Variants in TRPM3 observed in about 807,000 individuals in gnomAD.
The protein encoded by TRPM3 is long transient receptor potential channel 3.
Under a neutral mutation model 181.2 loss-of-function variants are expected in TRPM3, and 77 were observed. That is an observed-to-expected ratio of 0.42 (90% confidence interval 0.35 to 0.51). TRPM3 has a LOEUF of 0.51. Among genes scored for constraint, TRPM3 ranks in the 20% least tolerant of loss-of-function variants. The pLI is 0.01. For missense variants in TRPM3, 1,759 were observed against 2,196.7 expected (o/e 0.80, Z 3.98); for synonymous variants, 745 against 796.4 (o/e 0.94, Z 1.09).
chr9:70,625,523 A>G lies in TRPM3; in HGVS notation c.1633-6T>C, dbSNP rs1289137309. The G allele has an allele frequency of 1.2e-6, 2 of 1,610,836 alleles. No individual in the cohort carries two copies. The highest frequency in any genetic ancestry group is 1.7e-6 in the Non-Finnish European group (2 of 1,179,020). On this transcript the variant is annotated splice_polypyrimidine_tract_variant and splice_region_variant and intron_variant, in intron 12 of 25. Coordinates refer to ENST00000677713, the MANE Select transcript of TRPM3 (RefSeq NM_001366145.2). The surrounding 1 kb of genome is among the most constrained non-coding windows in gnomAD (Gnocchi z 4.8). ...CCGAAACCTGGATACTCTCGCTTGG[A>G]AAGAAGACATAAGTTAAATAAGAAG...
At chr9:71,285,403 A>G (rs1179350367) in intron 1 of TRPM3, among the ~76,000 whole-genome samples, 1 of 152,174 alleles carries the variant, frequency 6.6e-6, no homozygotes, top group African/African-American at 2.4e-5. Flanking sequence ...GTGTACCCAA[A>G]CAAGCAAGGA....
chr9:70,945,544 A>G (rs2096924657), intron 1 of TRPM3, among the ~76,000 whole-genome samples: 1 of 152,172 alleles, frequency 6.6e-6, no homozygotes, highest in Non-Finnish European at 1.5e-5. Flanking sequence ...TGAAATCTTA[A>G]GAAATGTTAG....
chr9:70,955,032 A>G (rs2097051612), intron 1 of TRPM3, among the ~76,000 whole-genome samples: 1 of 152,156 alleles, frequency 6.6e-6, no homozygotes, highest in African/African-American at 2.4e-5. Flanking sequence ...ATAATCAGCT[A>G]TAGCTTCTGT....
intron 10 of TRPM3, among the ~76,000 whole-genome samples, chr9:70,640,170 T>G (rs1166401970): frequency 4.6e-5 from 7 of 152,216 alleles, no homozygotes; most frequent in Admixed American, 4.6e-4. Flanking sequence ...TTCTGCATCC[T>G]GAGGTGTGAC....
chr9:70,780,623 CAA>C (rs2082256932), intron 7 of TRPM3, among the ~76,000 whole-genome samples: 1 of 151,948 alleles, frequency 6.6e-6, no homozygotes, highest in African/African-American at 2.4e-5. Context: ...TGTGGCTAGA[CAA>C]TTTCTTATCA....
intron 1 of TRPM3, among the ~76,000 whole-genome samples, chr9:71,018,768 AG>A (rs1406239368): frequency 6.6e-6 from 1 of 151,878 alleles, no homozygotes; most frequent in Non-Finnish European, 1.5e-5. Context: ...GGACAGAAAA[AG>A]GGAGAATATT....
At chr9:71,126,901 G>A (rs1305995654) in intron 1 of TRPM3, among the ~76,000 whole-genome samples, 1 of 152,060 alleles carries the variant, frequency 6.6e-6, no homozygotes, top group Admixed American at 6.6e-5. Context: ...TAAGACTGAG[G>A]TGAAATGTCC....
chr9:71,028,067 A>G (rs1565010265), intron 1 of TRPM3, among the ~76,000 whole-genome samples: 1 of 152,224 alleles, frequency 6.6e-6, no homozygotes, highest in Non-Finnish European at 1.5e-5. Flanking sequence ...GCTAGAGAGA[A>G]AGAACAGGTC....
At chr9:71,209,475 A>T (rs1305912395) in intron 1 of TRPM3, among the ~76,000 whole-genome samples, 1 of 152,140 alleles carries the variant, frequency 6.6e-6, no homozygotes, top group Non-Finnish European at 1.5e-5. Flanking sequence ...TAAAAATTTC[A>T]AAGTCATCTC....
Position 70,610,711 on chromosome 9 carries a change from C to G in TRPM3, c.2565G>C (p.Lys855Asn), listed in dbSNP as rs370376246. Residue 855 changes from lysine to asparagine, a missense_variant, in exon 19 of 26, where the codon AAG becomes AAC. Transcript: ENST00000677713. ...TGCTCTGAACTTCCTCTTCATCCTT[C>G]TTCCTGGAGGACTCCCCGTTGTTTC... is the stretch of plus-strand genomic sequence containing the variant. ...LGRNNGESSR[K>N]KDEEEVQSKH... 6.2e-7 allele frequency: 1 copy of G among 1,614,062 alleles called. No homozygotes were observed. The highest frequency in any genetic ancestry group is 1.3e-5 in the African/African-American group (1 of 74,932).
intron 1 of TRPM3, among the ~76,000 whole-genome samples, chr9:71,342,694 C>A (rs2091039837): frequency 6.6e-6 from 1 of 152,062 alleles, no homozygotes. Context: ...CTATAAGATC[C>A]AGCAACTATG....
intron 1 of TRPM3, among the ~76,000 whole-genome samples, chr9:71,395,739 G>T (rs567939178): frequency 9.8e-5 from 15 of 152,290 alleles, no homozygotes; most frequent in Admixed American, 6.5e-4. Flanking sequence ...GCACTTACTA[G>T]GTTCACGGAA....
intron 1 of TRPM3, among the ~76,000 whole-genome samples, chr9:71,084,273 A>G (rs1565158598): frequency 6.6e-6 from 1 of 152,062 alleles, no homozygotes; most frequent in African/African-American, 2.4e-5. Flanking sequence ...TAAAATAAAA[A>G]CTGCTCTAAG....
intron 9 of TRPM3, among the ~76,000 whole-genome samples, chr9:70,674,946 G>A (rs117967754): frequency 6.6e-6 from 1 of 151,652 alleles, no homozygotes; most frequent in African/African-American, 2.4e-5. Flanking sequence ...TTGTACAATT[G>A]TAATGGAAGA....
At position 70,535,739 on chromosome 9, in the gene TRPM3, G is replaced by A; in HGVS notation, c.*214C>T. 3 of 1,445,322 alleles carry A rather than the reference G, an allele frequency of 2.1e-6. No individual in the cohort carries two copies. Among genetic ancestry groups the A allele is most frequent in the Non-Finnish European group, 2.7e-6 (3 of 1,106,644 alleles). The allele number at this position is 1,445,322 out of a possible 1,614,324, so 89.5% of individuals were successfully genotyped here. On this transcript the variant is annotated 3_prime_UTR_variant, in exon 26 of 26. Coordinates refer to ENST00000677713, the MANE Select transcript of TRPM3 (RefSeq NM_001366145.2). ...CTCCCTGCCCAGCAAGTGTGAACAT[G>A]CCTTAAATCCCCTGTGTCTGGCACT...
At chr9:71,343,405 T>G (rs1014688939) in intron 1 of TRPM3, among the ~76,000 whole-genome samples, 1 of 152,102 alleles carries the variant, frequency 6.6e-6, no homozygotes, top group Admixed American at 6.6e-5. Context: ...TGAACTTTTA[T>G]TAGTAGGTTG....
At chr9:71,229,035 A>T (rs575159891) in intron 1 of TRPM3, among the ~76,000 whole-genome samples, 1 of 152,204 alleles carries the variant, frequency 6.6e-6, no homozygotes, top group South Asian at 2.1e-4. Flanking sequence ...AAAGAACAAA[A>T]CTGAAGGAAT....
At position 70,689,983 on chromosome 9, in the gene TRPM3, C is replaced by T. The variant is rs148040078; in HGVS notation, c.1273-8405G>A. Among the ~76,000 whole-genome samples the T allele has an allele frequency of 9.7e-3, 1,470 of 152,188 alleles. 22 individuals carry two copies. The highest frequency in any genetic ancestry group is 0.034 in the African/African-American group (1,404 of 41,520). ...ATATTGGGACAATGAAATTGACTCA[C>T]TTTCAAGGTATCTATTAATTAGCTT... On this transcript the variant is annotated intron_variant, in intron 8 of 25. Coordinates refer to ENST00000677713, the MANE Select transcript of TRPM3 (RefSeq NM_001366145.2).
intron 1 of TRPM3, among the ~76,000 whole-genome samples, chr9:71,116,868 C>G (rs145455568): frequency 6.6e-6 from 1 of 152,134 alleles, no homozygotes; most frequent in East Asian, 1.9e-4. Flanking sequence ...ATTCTGCTAT[C>G]GGACACTCCA....
Sources: allele counts gnomAD v4.1 joint callset (sites outside exome capture counted in the v4.1 genomes callset), GRCh38; gene constraint gnomAD v4.1.1; non-coding constraint Gnocchi (gnomAD v3.1); transcripts MANE v1.5; gene names NCBI Gene and HGNC (gene_info 2026-07-23, HGNC 2026-07-21).